The following GRID2 variants were observed in gnomAD, a reference collection of about 807,000 sequenced individuals.
GRID2 encodes the protein glutamate ionotropic receptor delta type subunit 2.
Under a neutral mutation model 114.8 loss-of-function variants are expected in GRID2, and 33 were observed. The ratio of observed to expected loss-of-function variants is 0.29; its 90% CI spans 0.22 to 0.38. The LOEUF (loss-of-function observed/expected upper bound fraction) is 0.38. Ranked by LOEUF, GRID2 falls within the 10% of genes least tolerant of loss-of-function variation. GRID2 has a pLI of 1.00. For synonymous variants in GRID2, 505 were observed against 449.9 expected (o/e 1.12, Z -1.55); for missense variants, 1,184 against 1,257.7 (o/e 0.94, Z 0.89).
At chr4:92,774,721 A>G (rs1252884849) in intron 2 of GRID2, among the ~76,000 whole-genome samples, 3 of 150,978 alleles carry the variant, frequency 2.0e-5, no homozygotes, top group Admixed American at 1.3e-4. Flanking sequence ...TCAGCCTCCT[A>G]AATAGCTGGG....
At chr4:93,347,371 A>G (rs1760345030) in intron 8 of GRID2, among the ~76,000 whole-genome samples, 3 of 152,134 alleles carry the variant, frequency 2.0e-5, no homozygotes, top group South Asian at 2.1e-4. Flanking sequence ...AAGTACATCA[A>G]AACATAATTT....
chr4:93,162,727 C>T (rs929969822), intron 4 of GRID2, among the ~76,000 whole-genome samples: 1 of 151,606 alleles, frequency 6.6e-6, no homozygotes, highest in Non-Finnish European at 1.5e-5. Context: ...AGAAGGGTAT[C>T]CTAGAAAGAA....
At chr4:92,835,576 C>T (rs1466856218) in intron 2 of GRID2, among the ~76,000 whole-genome samples, 1 of 152,046 alleles carries the variant, frequency 6.6e-6, no homozygotes, top group East Asian at 1.9e-4. Context: ...GTTGACAAGG[C>T]AGATTTCATA....
intron 1 of GRID2, among the ~76,000 whole-genome samples, chr4:92,315,279 G>C (rs994380629): frequency 9.2e-5 from 14 of 152,272 alleles, no homozygotes; most frequent in African/African-American, 3.1e-4. Flanking sequence ...ATGGATGTCA[G>C]ATGGTTGTTT....
intron 2 of GRID2, among the ~76,000 whole-genome samples, chr4:93,048,898 C>G (rs891263140): frequency 6.6e-6 from 1 of 151,932 alleles, no homozygotes; most frequent in African/African-American, 2.4e-5. Flanking sequence ...TCACTAGGAC[C>G]TAGTATGGCA....
chr4:93,150,555 T>C (rs1167013071), intron 4 of GRID2, among the ~76,000 whole-genome samples: 1 of 152,140 alleles, frequency 6.6e-6, no homozygotes, highest in South Asian at 2.1e-4. Flanking sequence ...GGCATGAGTT[T>C]ACTCACCCCT....
At chr4:92,583,193 T>G (rs1189734128) in intron 1 of GRID2, among the ~76,000 whole-genome samples, 1 of 151,884 alleles carries the variant, frequency 6.6e-6, no homozygotes, top group South Asian at 2.1e-4. Context: ...CCTCAAAGGG[T>G]TTTTATCAGA....
chr4:93,107,012 A>G (rs1295466988), intron 3 of GRID2, among the ~76,000 whole-genome samples: 1 of 152,102 alleles, frequency 6.6e-6, no homozygotes, highest in Non-Finnish European at 1.5e-5. Context: ...TAAGATAAAT[A>G]TTTTTTTCTG....
At chr4:92,355,124 T>C (rs1728255824) in intron 1 of GRID2, among the ~76,000 whole-genome samples, 2 of 151,936 alleles carry the variant, frequency 1.3e-5, no homozygotes, top group Non-Finnish European at 2.9e-5. Flanking sequence ...TTTTGAAATG[T>C]ATTTGTTTTC....
At chr4:92,645,605 C>A (rs189234625) in intron 2 of GRID2, among the ~76,000 whole-genome samples, 123 of 151,708 alleles carry the variant, frequency 8.1e-4, no homozygotes, top group African/African-American at 2.8e-3. Context: ...ATATAGATTT[C>A]TATTACTCCA....
chr4:93,080,471 A>C (rs1035861696), intron 2 of GRID2, among the ~76,000 whole-genome samples: 3 of 152,196 alleles, frequency 2.0e-5, no homozygotes, highest in South Asian at 2.1e-4. Flanking sequence ...GTTTCTCAGA[A>C]AGGGTTACAC....
At chr4:92,397,271 T>C (rs1002616338) in intron 1 of GRID2, among the ~76,000 whole-genome samples, 4 of 151,996 alleles carry the variant, frequency 2.6e-5, no homozygotes, top group African/African-American at 9.7e-5. Flanking sequence ...TTAGTCTCTC[T>C]GTTATTAACT....
chr4:92,305,459 G>T (rs1043541324), intron 1 of GRID2, among the ~76,000 whole-genome samples: 1 of 152,164 alleles, frequency 6.6e-6, no homozygotes, highest in Non-Finnish European at 1.5e-5. Flanking sequence ...GGGGCGCTTG[G>T]GAAACGCGGG....
chr4:93,541,691 C>T (rs1027603518), intron 13 of GRID2, among the ~76,000 whole-genome samples: 1 of 152,168 alleles, frequency 6.6e-6, no homozygotes, highest in Non-Finnish European at 1.5e-5. Context: ...AGAAGGAAAA[C>T]TTTATGCAGT....
At chr4:92,905,882 C>T (rs1404019890) in intron 2 of GRID2, among the ~76,000 whole-genome samples, 1 of 152,002 alleles carries the variant, frequency 6.6e-6, no homozygotes, top group Non-Finnish European at 1.5e-5. Context: ...TGATGAATTT[C>T]TAATTAATTT....
intron 3 of GRID2, among the ~76,000 whole-genome samples, chr4:93,093,097 G>C (rs138589716): frequency 1.3e-5 from 2 of 152,046 alleles, no homozygotes; most frequent in Middle Eastern, 3.2e-3. Context: ...TCAGCACTTA[G>C]CTTCAGGAGG....
chr4:93,710,841 G>A (rs1163980637), intron 14 of GRID2, among the ~76,000 whole-genome samples: 1 of 152,004 alleles, frequency 6.6e-6, no homozygotes, highest in Non-Finnish European at 1.5e-5. Flanking sequence ...CAAGCAAAAA[G>A]AATCTCTCCC....
chr4:93,376,639 A>G (rs534070183), intron 8 of GRID2, among the ~76,000 whole-genome samples: 6 of 152,306 alleles, frequency 3.9e-5, no homozygotes, highest in Admixed American at 3.3e-4. Context: ...CTGTGCAGCT[A>G]TGAAAAGGAA....
intron 13 of GRID2, among the ~76,000 whole-genome samples, chr4:93,565,262 C>T (rs1468401822): frequency 6.6e-6 from 1 of 151,944 alleles, no homozygotes; most frequent in Non-Finnish European, 1.5e-5. Context: ...CATGAGATTA[C>T]CAGTAAAACT....
Sources: allele counts gnomAD v4.1 joint callset (sites outside exome capture counted in the v4.1 genomes callset), GRCh38; gene constraint gnomAD v4.1.1; transcripts MANE v1.5; gene names NCBI Gene and HGNC (gene_info 2026-07-23, HGNC 2026-07-21).